The following FOXP2 variants were observed in gnomAD, a reference collection of about 807,000 sequenced individuals.
FOXP2 encodes the protein forkhead box P2, also known as forkhead box protein P2.
A neutral mutation model predicts 115.8 loss-of-function variants in FOXP2; 12 were observed. The observed-to-expected ratio is 0.10, with a 90% confidence interval of 0.07 to 0.17. The LOEUF is 0.17. Among genes scored for constraint, FOXP2 ranks in the 10% least tolerant of loss-of-function variants. The probability of loss-of-function intolerance (pLI) is 1.00; values close to 1 mark genes in which losing one functional copy is unlikely to be tolerated. For synonymous variants in FOXP2, 328 were observed against 297.7 expected, an observed-to-expected ratio of 1.10 and a Z score of -1.05; for missense variants, 629 against 843.5, an observed-to-expected ratio of 0.75 and a Z score of 3.15.
chr7:114,582,262 A>C (rs1006265834), intron 3 of FOXP2, among the ~76,000 whole-genome samples: 2 of 152,196 alleles, frequency 1.3e-5, no homozygotes, highest in African/African-American at 2.4e-5. Flanking sequence ...AAGATGAGCA[A>C]ACTCATAGTT....
intron 2 of FOXP2, among the ~76,000 whole-genome samples, chr7:114,429,999 G>A (rs1794032706): frequency 6.6e-6 from 1 of 151,602 alleles, no homozygotes; most frequent in African/African-American, 2.4e-5. Flanking sequence ...CTGTTTATGT[G>A]TAAGGAAATA....
intron 2 of FOXP2, among the ~76,000 whole-genome samples, chr7:114,508,735 G>T (rs1229491588): frequency 6.6e-6 from 1 of 152,056 alleles, no homozygotes; most frequent in Admixed American, 6.6e-5. Context: ...AAAAAGGATT[G>T]ATCTGGGCTA....
intron 3 of FOXP2, among the ~76,000 whole-genome samples, chr7:114,583,248 G>A (rs543363125): frequency 4.6e-5 from 7 of 151,946 alleles, no homozygotes; most frequent in Non-Finnish European, 1.0e-4. Context: ...TCATGGTGGT[G>A]CACACCTGTA....
intron 2 of FOXP2, among the ~76,000 whole-genome samples, chr7:114,306,404 T>C (rs894044675): frequency 3.6e-4 from 55 of 152,294 alleles, no homozygotes; most frequent in African/African-American, 1.3e-3. Flanking sequence ...CTGCTACGTT[T>C]ATAGAAAACA....
intron 2 of FOXP2, among the ~76,000 whole-genome samples, chr7:114,531,171 G>C (rs559533519): frequency 1.3e-5 from 2 of 151,856 alleles, no homozygotes; most frequent in East Asian, 3.9e-4. Context: ...AGGAAATTTT[G>C]TAAACAACTT....
At chr7:114,152,910 G>A (rs1344544074) in intron 1 of FOXP2, among the ~76,000 whole-genome samples, 1 of 152,092 alleles carries the variant, frequency 6.6e-6, no homozygotes, top group African/African-American at 2.4e-5. Flanking sequence ...CACTGGAGTC[G>A]ACAACATGTC....
chr7:114,418,698 G>A (rs543276980), intron 1 of FOXP2, among the ~76,000 whole-genome samples: 1 of 151,844 alleles, frequency 6.6e-6, no homozygotes, highest in African/African-American at 2.4e-5. Flanking sequence ...CTATACAGAA[G>A]GTCAATGGCT....
At chr7:114,291,133 A>G (rs1316838609) in intron 2 of FOXP2, among the ~76,000 whole-genome samples, 1 of 152,182 alleles carries the variant, frequency 6.6e-6, no homozygotes, top group African/African-American at 2.4e-5. Context: ...ACAGAAATTT[A>G]ATTTCTCACA....
chr7:114,359,140 T>G (rs909120985), intron 2 of FOXP2, among the ~76,000 whole-genome samples: 9 of 152,120 alleles, frequency 5.9e-5, no homozygotes, highest in African/African-American at 2.2e-4. Context: ...TGGTGACTTG[T>G]GTCCCAGCCA....
At chr7:114,217,214 G>T (rs1794507103) in intron 1 of FOXP2, among the ~76,000 whole-genome samples, 1 of 152,132 alleles carries the variant, frequency 6.6e-6, no homozygotes, top group Non-Finnish European at 1.5e-5. Flanking sequence ...AATGGGATTG[G>T]CAGGCCCTCT....
At position 114,489,953 on chromosome 7, in the gene FOXP2, A is replaced by G. The variant is rs536987971; in HGVS notation, c.169-44664A>G. 2.0e-5 allele frequency among the ~76,000 whole-genome samples: 3 copies of G among 152,280 alleles called. No individual in the cohort carries two copies. The South Asian group carries it at 6.2e-4, about 32-fold the overall frequency. On this transcript the variant is annotated intron_variant, in intron 2 of 16. Coordinates refer to ENST00000350908, the MANE Select transcript of FOXP2 (RefSeq NM_014491.4). ...AAAATGCTGGCAAGGATGTGGAGCAACAGGGACTTCTGTTCCTTATTGGTG... is the reference window on the plus strand; with the variant it reads ...AAAATGCTGGCAAGGATGTGGAGCAGCAGGGACTTCTGTTCCTTATTGGTG...
intron 3 of FOXP2, among the ~76,000 whole-genome samples, chr7:114,612,436 C>T (rs1803684183): frequency 6.6e-6 from 1 of 151,972 alleles, no homozygotes; most frequent in African/African-American, 2.4e-5. Flanking sequence ...CACACACACA[C>T]ACATATATAT....
intron 7 of FOXP2, among the ~76,000 whole-genome samples, chr7:114,643,435 G>C (rs1805693819): frequency 6.6e-6 from 1 of 152,040 alleles, no homozygotes; most frequent in African/African-American, 2.4e-5. Flanking sequence ...CTTTTTAATT[G>C]TTGCATGATG....
chr7:114,527,713 T>C (rs1201460794), intron 2 of FOXP2, among the ~76,000 whole-genome samples: 1 of 152,140 alleles, frequency 6.6e-6, no homozygotes, highest in Non-Finnish European at 1.5e-5. Flanking sequence ...ATAATCTAAT[T>C]TCCTCCCTTT....
intron 2 of FOXP2, among the ~76,000 whole-genome samples, chr7:114,311,615 A>T (rs1797148599): frequency 6.6e-6 from 1 of 152,116 alleles, no homozygotes; most frequent in Non-Finnish European, 1.5e-5. Flanking sequence ...AAGGTTTCTT[A>T]TGTGTGCTTG....
intron 2 of FOXP2, among the ~76,000 whole-genome samples, chr7:114,328,432 T>C (rs1797615292): frequency 6.6e-6 from 1 of 151,864 alleles, no homozygotes; most frequent in Admixed American, 6.6e-5. Context: ...GAGACAGGGT[T>C]TCACCGTGTT....
chr7:114,593,964 G>A (rs1802567987), intron 3 of FOXP2, among the ~76,000 whole-genome samples: 1 of 151,892 alleles, frequency 6.6e-6, no homozygotes, highest in Non-Finnish European at 1.5e-5. Flanking sequence ...ACCTAAAGAA[G>A]TTTCCGTGTC....
intron 1 of FOXP2, among the ~76,000 whole-genome samples, chr7:114,243,389 T>A (rs760779987): frequency 2.6e-5 from 4 of 151,918 alleles, no homozygotes; most frequent in Non-Finnish European, 4.4e-5. Flanking sequence ...GAGTTTGAAA[T>A]AAGAGCCCAG....
chr7:114,396,912 T>C (rs1208282105), intron 2 of FOXP2, among the ~76,000 whole-genome samples: 1 of 152,118 alleles, frequency 6.6e-6, no homozygotes, highest in Non-Finnish European at 1.5e-5. Context: ...TTCCACAAGG[T>C]ATATACACTT....
Sources: allele counts gnomAD v4.1 joint callset (sites outside exome capture counted in the v4.1 genomes callset), GRCh38; gene constraint gnomAD v4.1.1; transcripts MANE v1.5; gene names NCBI Gene and HGNC (gene_info 2026-07-23, HGNC 2026-07-21).